The following SLC8A1 variants were observed in gnomAD, a reference collection of about 807,000 sequenced individuals.
The protein encoded by SLC8A1 is sodium/calcium exchanger 1.
SLC8A1 carries 18 observed loss-of-function variants against 68.3 expected under a neutral mutation model. That is an observed-to-expected ratio of 0.26 (90% CI 0.18 to 0.39). The LOEUF (loss-of-function observed/expected upper bound fraction) is 0.39, where lower values mean the gene tolerates loss of function less well. SLC8A1 is among the 10% of genes least tolerant of loss of function. The probability of loss-of-function intolerance (pLI) is 1.00; values close to 1 mark genes in which losing one functional copy is unlikely to be tolerated. For synonymous variants in SLC8A1, 475 were observed against 415.5 expected, an observed-to-expected ratio of 1.14 and a Z score of -1.74; for missense variants, 985 against 1,156.7, an observed-to-expected ratio of 0.85 and a Z score of 2.15.
At chr2:40,218,727 G>GA (rs55920991) in intron 2 of SLC8A1, among the ~76,000 whole-genome samples, 65,944 of 148,208 alleles carry the variant, frequency 0.44, 16,161 homozygotes, top group Middle Eastern at 0.58. Context: ...TCTTCTGGGG[G>GA]AAAAAAAAAA....
At chr2:40,346,126 G>C (rs1669231192) in intron 2 of SLC8A1, among the ~76,000 whole-genome samples, 1 of 148,816 alleles carries the variant, frequency 6.7e-6, no homozygotes, top group Non-Finnish European at 1.5e-5. Flanking sequence ...TCACCACACT[G>C]CTCAGAACCA....
chr2:40,259,229 G>A (rs557930783), intron 2 of SLC8A1, among the ~76,000 whole-genome samples: 1 of 150,608 alleles, frequency 6.6e-6, no homozygotes, highest in South Asian at 2.1e-4. Flanking sequence ...TTCTGAGCTG[G>A]ACCACTTCCA....
chr2:40,421,790 A>G (rs1695572985), intron 2 of SLC8A1, among the ~76,000 whole-genome samples: 1 of 152,206 alleles, frequency 6.6e-6, no homozygotes, highest in Admixed American at 6.5e-5. Context: ...AGAATTGTTT[A>G]TTTAGCCTGG....
rs1435842775 is a variant in SLC8A1, at chr2:40,364,457, A to G, written c.1808+64016T>C. Among the ~76,000 whole-genome samples the G allele has an allele frequency of 2.6e-5, 4 of 151,858 alleles. No individual in the cohort carries two copies. In the East Asian group the frequency reaches 7.7e-4, roughly 29 times the overall value. ...AAAGTATGGCAAGTAAAACAAAAAA[A>G]AAACAATTAGAAGATTTCTATGAAA... On this transcript the variant is annotated intron_variant, in intron 2 of 7. Coordinates refer to ENST00000406785, the Ensembl canonical transcript of SLC8A1.
intron 6 of SLC8A1, among the ~76,000 whole-genome samples, chr2:40,145,086 C>T (rs1231950288): frequency 6.6e-6 from 1 of 152,104 alleles, no homozygotes; most frequent in Non-Finnish European, 1.5e-5. Flanking sequence ...CAACCCCTGC[C>T]CATAGTAAGA....
intron 2 of SLC8A1, chr2:40,213,377 C>T (rs542099618): frequency 1.3e-5 from 2 of 152,234 alleles, no homozygotes; most frequent in East Asian, 3.9e-4. Context: ...AACTAACCAC[C>T]CAGAACCTGC....
rs936783519 is a variant in SLC8A1 at position 40,464,319 on chromosome 2, T to C, written c.-24-34015A>G. ...AAACAGCACTGGCTGAATTCTAGCATAGAGACAACGCATTTCATAACTTTA... is the reference window on the plus strand; with the variant it reads ...AAACAGCACTGGCTGAATTCTAGCACAGAGACAACGCATTTCATAACTTTA... On this transcript the variant is annotated intron_variant, in intron 1 of 7. Coordinates refer to the SLC8A1 transcript ENST00000402441. Among the ~76,000 whole-genome samples, 8 of 152,342 alleles carry C rather than the reference T, an allele frequency of 5.3e-5. No individual in the cohort carries two copies. In the South Asian group the frequency reaches 1.0e-3, roughly 20 times the overall value.
In SLC8A1 at chr2:40,445,446, GAAAGAA is replaced by G. The variant is rs376480160; in HGVS notation, c.-25+6452_-25+6457del. On this transcript the variant is annotated intron_variant, in intron 1 of 7. Transcript: ENST00000406785. ...AATTTCTGGAGGCTTTCTACACAGGGAAAGAAAAAGAAAAAGAAAAAGAGGTAACTT... is the reference window on the plus strand; with the variant it reads ...AATTTCTGGAGGCTTTCTACACAGGGAAAGAAAAAGAAAAAGAGGTAACTT... Among the ~76,000 whole-genome samples, 932 of 152,022 alleles carry G rather than the reference GAAAGAA, an allele frequency of 6.1e-3. 4 individuals carry two copies. Among genetic ancestry groups the G allele is most frequent in the African/African-American group, 0.018 (765 of 41,460 alleles).
intron 2 of SLC8A1, among the ~76,000 whole-genome samples, chr2:40,211,037 AGT>A (rs1478337645): frequency 6.6e-6 from 1 of 152,206 alleles, no homozygotes; most frequent in Non-Finnish European, 1.5e-5. Context: ...GCCATTCTGA[AGT>A]AGGTCTTTGT....
chr2:40,285,758 G>A (rs1222322283), intron 2 of SLC8A1, among the ~76,000 whole-genome samples: 1 of 152,134 alleles, frequency 6.6e-6, no homozygotes, highest in Non-Finnish European at 1.5e-5. Context: ...CATTCATAAT[G>A]TGGTTTTTAA....
intron 2 of SLC8A1, among the ~76,000 whole-genome samples, chr2:40,270,704 G>A (rs1184936973): frequency 4.6e-5 from 7 of 152,112 alleles, no homozygotes; most frequent in Non-Finnish European, 8.8e-5. Context: ...AGTCCCCTTC[G>A]CCAAGTCAGG....
chr2:40,107,112 T>C (rs2034246125), exon 8 of SLC8A1: 1 of 151,800 alleles, frequency 6.6e-6, no homozygotes, highest in African/African-American at 2.4e-5. Context: ...GTCAAAGATG[T>C]CCCGGTATGT....
chr2:40,194,516 A>G (rs1035456657), intron 2 of SLC8A1, among the ~76,000 whole-genome samples: 1 of 138,622 alleles, frequency 7.2e-6, no homozygotes, highest in Non-Finnish European at 1.6e-5. Context: ...TGCGCGCGCA[A>G]AGAAAACGAG....
chr2:40,467,015 T>C (rs934919641), intron 1 of SLC8A1, among the ~76,000 whole-genome samples: 5 of 148,986 alleles, frequency 3.4e-5, no homozygotes, highest in South Asian at 4.3e-4. Context: ...AGAAGTGACA[T>C]AGAGCTTTAA....
intron 2 of SLC8A1, among the ~76,000 whole-genome samples, chr2:40,336,192 A>G (rs1665918072): frequency 6.6e-6 from 1 of 152,214 alleles, no homozygotes; most frequent in African/African-American, 2.4e-5. Context: ...GTGGTACCTT[A>G]AAGACATCTG....
chr2:40,342,813 C>G (rs1440853810), intron 2 of SLC8A1, among the ~76,000 whole-genome samples: 4 of 152,144 alleles, frequency 2.6e-5, no homozygotes, highest in Non-Finnish European at 5.9e-5. Flanking sequence ...TGTTACTAAA[C>G]AGATCACTCA....
intron 6 of SLC8A1, among the ~76,000 whole-genome samples, chr2:40,147,703 T>C (rs146813325): frequency 1.3e-5 from 2 of 152,302 alleles, no homozygotes; most frequent in East Asian, 3.9e-4. Context: ...ATATCAATGT[T>C]ATGTCCTAGA....
chr2:40,252,962 T>C (rs1231210615), intron 2 of SLC8A1, among the ~76,000 whole-genome samples: 4 of 145,950 alleles, frequency 2.7e-5, no homozygotes, highest in African/African-American at 7.5e-5. Context: ...TATGTGTGTA[T>C]ATGTATGTAC....
chr2:40,270,901 C>T (rs533198521), intron 2 of SLC8A1, among the ~76,000 whole-genome samples: 1 of 152,136 alleles, frequency 6.6e-6, no homozygotes, highest in African/African-American at 2.4e-5. Context: ...TTCCAGGACC[C>T]TTGAGGGAGT....
Sources: allele counts gnomAD v4.1 joint callset (sites outside exome capture counted in the v4.1 genomes callset), GRCh38; gene constraint gnomAD v4.1.1; transcripts MANE v1.5; gene names NCBI Gene and HGNC (gene_info 2026-07-23, HGNC 2026-07-21).